The following TIMM23 variants were observed in gnomAD, a reference collection of about 807,000 sequenced individuals.
The protein encoded by TIMM23 is mitochondrial import inner membrane translocase subunit Tim23.
TIMM23 carries 19 observed loss-of-function variants against 30.7 expected under a neutral mutation model. The ratio of observed to expected loss-of-function variants is 0.62; its 90% CI spans 0.43 to 0.91. The LOEUF (loss-of-function observed/expected upper bound fraction) is 0.91. Ranked by LOEUF, TIMM23 falls within the 40% of genes least tolerant of loss-of-function variation. The pLI is 0.00. For synonymous variants in TIMM23, 78 were observed against 98.5 expected, an observed-to-expected ratio of 0.79 and a Z score of 1.23; for missense variants, 202 against 269.2, an observed-to-expected ratio of 0.75 and a Z score of 1.75.
chr10:45,985,306 T>C, intron 4 of TIMM23, 77 bp from the exon 5 acceptor site: 2 of 1,581,992 alleles, frequency 1.3e-6, no homozygotes, highest in African/African-American at 2.7e-5. Flanking sequence ...ACATGTTAAA[T>C]AGCCATTATT....
intron 2 of TIMM23, among the ~76,000 whole-genome samples, 174 bp downstream of exon 2, chr10:45,975,686 C>T (rs1270089627): frequency 1.3e-5 from 2 of 152,168 alleles, no homozygotes; most frequent in Non-Finnish European, 2.9e-5. Flanking sequence ...TCTCTGAAAC[C>T]AGTTAACTCC....
rs1422645046 is a variant in TIMM23 at position 45,995,868 on chromosome 10, AT to A, written c.514+7025del. 6.7e-5 allele frequency among the ~76,000 whole-genome samples: 9 copies of A among 135,334 alleles called. 1 individual carries two copies. The highest frequency in any genetic ancestry group is 2.6e-4 in the African/African-American group (9 of 34,746). 88.8% of individuals were successfully genotyped at this position (135,334 alleles called of 152,430 possible). The stretch of plus-strand genomic sequence containing the variant: ...TCTCAGATATCTCAGAAAAACTTAG[AT>A]TTTACAATCCTTTTAAGACTTAAGA... On this transcript the variant is annotated intron_variant, in intron 6 of 6. Transcript: ENST00000580018.
chr10:46,003,583 C>T lies in TIMM23; in HGVS notation c.*265C>T, dbSNP rs1234120332. 1 of 293,556 alleles carries T rather than the reference C, an allele frequency of 3.4e-6. No homozygotes were observed. The highest frequency in any genetic ancestry group is 2.2e-5 in the African/African-American group (1 of 45,802). 18.2% of individuals were successfully genotyped at this position (293,556 alleles called of 1,614,324 possible). On this transcript the variant is annotated 3_prime_UTR_variant, in exon 7 of 7. Coordinates refer to ENST00000580018, the MANE Select transcript of TIMM23 (RefSeq NM_006327.4). Reference sequence around the variant, plus strand: ...AGATCTTGCACGTATCTGTTTTCCTCCCCCATGAACTAGAAAACCACTTAC... The same window carrying T: ...AGATCTTGCACGTATCTGTTTTCCTTCCCCATGAACTAGAAAACCACTTAC...
intron 4 of TIMM23, among the ~76,000 whole-genome samples, chr10:45,983,519 A>T (rs1165813499): frequency 6.6e-6 from 1 of 152,342 alleles, no homozygotes; most frequent in East Asian, 1.9e-4. Flanking sequence ...TTTTCACCCA[A>T]CTTAAGAAGT....
chr10:45,975,522 A>G lies in TIMM23; in HGVS notation c.165+10A>G. On this transcript the variant is annotated intron_variant, in intron 2 of 6. Coordinates refer to ENST00000580018, the MANE Select transcript of TIMM23 (RefSeq NM_006327.4). ...ACGATACCTCGTGCAGGTAAGATTA[A>G]GATTTTACTAGTTTGGTGCATTATT... is the stretch of plus-strand genomic sequence containing the variant. 1 of 1,613,778 alleles carries G rather than the reference A, an allele frequency of 6.2e-7. No homozygotes were observed. The highest frequency in any genetic ancestry group is 8.5e-7 in the Non-Finnish European group (1 of 1,179,796).
intron 4 of TIMM23, among the ~76,000 whole-genome samples, chr10:45,985,132 A>G (rs1291725965): frequency 6.6e-6 from 1 of 151,706 alleles, no homozygotes; most frequent in Non-Finnish European, 1.5e-5. Context: ...AGTTTTCCTT[A>G]TTATTATTAT....
intron 6 of TIMM23, among the ~76,000 whole-genome samples, chr10:45,993,244 C>CTTTTTTTTTTTTTGTTTTTTT (rs1838222392): frequency 1.4e-5 from 1 of 72,062 alleles, no homozygotes; most frequent in African/African-American, 6.8e-5. Context: ...TCTACCATCA[C>CTTTTTTTTTTTTTGTTTTTTT]TTTTTTTTTT....
In TIMM23 at chr10:45,993,951, C is replaced by T. The variant is rs1298047715; in HGVS notation, c.514+5104C>T. 1.4e-4 allele frequency among the ~76,000 whole-genome samples: 22 copies of T among 152,094 alleles called. No individual in the cohort carries two copies. The South Asian group carries it at 3.5e-3, about 24-fold the overall frequency. On this transcript the variant is annotated intron_variant, in intron 6 of 6. Coordinates refer to ENST00000580018, the MANE Select transcript of TIMM23 (RefSeq NM_006327.4). Reference sequence around the variant, plus strand: ...AATATTGAAATGAATAATAAAATTCCGGGTGTGGTGGTGCACTCCAGCTTG... The same window carrying T: ...AATATTGAAATGAATAATAAAATTCTGGGTGTGGTGGTGCACTCCAGCTTG...
intron 6 of TIMM23, among the ~76,000 whole-genome samples, chr10:45,995,366 A>C (rs1838298032): frequency 6.6e-6 from 1 of 150,636 alleles, no homozygotes; most frequent in Admixed American, 6.6e-5. Flanking sequence ...CCCTTGTGTT[A>C]GAAAATGGAG....
intron 6 of TIMM23, among the ~76,000 whole-genome samples, chr10:45,991,620 G>A (rs376606421): frequency 1.1e-3 from 171 of 152,112 alleles, no homozygotes; most frequent in East Asian, 4.6e-3. Context: ...GTGTGGTGGC[G>A]CATGCCTGAA....
chr10:45,993,785 A>C (rs1185980702), intron 6 of TIMM23, among the ~76,000 whole-genome samples: 4 of 152,206 alleles, frequency 2.6e-5, no homozygotes, highest in Non-Finnish European at 5.9e-5. Context: ...GCAGTGGTGC[A>C]CTCCAGCCTG....
chr10:46,002,226 A>T (rs1838564093), intron 6 of TIMM23: 1 of 151,870 alleles, frequency 6.6e-6, no homozygotes, highest in Non-Finnish European at 1.5e-5. Flanking sequence ...CCCAGGCTGG[A>T]GTGCAGTGGT....
At chr10:46,001,826 C>T (rs1042660512) in intron 6 of TIMM23, among the ~76,000 whole-genome samples, 1 of 152,172 alleles carries the variant, frequency 6.6e-6, no homozygotes, top group Non-Finnish European at 1.5e-5. Flanking sequence ...TTCTCTTTGC[C>T]ACATTACGTT....
rs587612474 is a variant in TIMM23, at chr10:45,992,582, G to A, written c.514+3735G>A. 1,097 of 427,214 alleles carry A rather than the reference G, an allele frequency of 2.6e-3. 8 individuals are homozygous for A. Among genetic ancestry groups the A allele is most frequent in the African/African-American group, 0.022 (1,019 of 46,798 alleles). 26.5% of individuals were successfully genotyped at this position (427,214 alleles called of 1,614,324 possible). On this transcript the variant is annotated intron_variant, in intron 6 of 6. Transcript: ENST00000580018. ...TTTTCCTTTTTTTTTTTTTTTAAAC[G>A]GAGTTTTGCTCTGTCGCCAGGCTGC... is the stretch of plus-strand genomic sequence containing the variant.
chr10:45,994,184 C>CAA (rs1383886219), intron 6 of TIMM23, among the ~76,000 whole-genome samples: 1 of 151,848 alleles, frequency 6.6e-6, no homozygotes, highest in Non-Finnish European at 1.5e-5. Context: ...TACTAAAATA[C>CAA]AAAAACCAGC....
chr10:46,002,570 T>C, intron 6 of TIMM23: 2 of 867,310 alleles, frequency 2.3e-6, no homozygotes, highest in Non-Finnish European at 2.8e-6. Context: ...ATTACAGACT[T>C]AAATCCATTG....
rs1281226122 is a variant in TIMM23 at position 45,984,218 on chromosome 10, A to G, written c.345-1165A>G. Among the ~76,000 whole-genome samples the G allele has an allele frequency of 3.0e-4, 46 of 152,328 alleles. No individual in the cohort carries two copies. In the East Asian group the frequency reaches 7.9e-3, roughly 26 times the overall value. The stretch of plus-strand genomic sequence containing the variant: ...ACAAAATACATAGCATAGTGAACAC[A>G]TGAACCATAACGCATCCTCAACAAC... On this transcript the variant is annotated intron_variant, in intron 4 of 6. Transcript: ENST00000580018.
At chr10:45,983,093 G>C (rs1271650968) in intron 4 of TIMM23, among the ~76,000 whole-genome samples, 163 bp downstream of exon 4, 20 of 152,236 alleles carry the variant, frequency 1.3e-4, no homozygotes, top group African/African-American at 4.8e-4. Flanking sequence ...TAAGGAATCA[G>C]ATTACTGACT....
intron 2 of TIMM23, among the ~76,000 whole-genome samples, chr10:45,977,891 C>T (rs1375339815): frequency 4.0e-5 from 6 of 151,870 alleles, no homozygotes; most frequent in East Asian, 1.9e-4. Context: ...ATTAGCCAGG[C>T]GTGGTGCTGG....
Sources: allele counts gnomAD v4.1 joint callset (sites outside exome capture counted in the v4.1 genomes callset), GRCh38; gene constraint gnomAD v4.1.1; transcripts MANE v1.5; gene names NCBI Gene and HGNC (gene_info 2026-07-23, HGNC 2026-07-21).